Variants in LRRC63 observed in about 807,000 individuals in gnomAD.
LRRC63 encodes leucine rich repeat containing 63.
Under a neutral mutation model 49.5 loss-of-function variants are expected in LRRC63, and 40 were observed. The ratio of observed to expected loss-of-function variants is 0.81; its 90% CI spans 0.63 to 1.05. The LOEUF (loss-of-function observed/expected upper bound fraction) is 1.05. Among genes scored for constraint, LRRC63 ranks in the 50% least tolerant of loss-of-function variants. The pLI, the probability that LRRC63 is intolerant of heterozygous loss-of-function variation, is 0.00. For missense variants in LRRC63, 636 were observed against 663.1 expected, an observed-to-expected ratio of 0.96 and a Z score of 0.45; for synonymous variants, 191 against 221.1, an observed-to-expected ratio of 0.86 and a Z score of 1.21.
intron 2 of LRRC63, 33 bp downstream of exon 2, chr13:46,213,152 T>G: frequency 7.5e-7 from 1 of 1,333,206 alleles, no homozygotes; most frequent in Non-Finnish European, 1.0e-6. Flanking sequence ...TGTATTAACA[T>G]TTATGTATCT....
At chr13:46,248,792 G>A (rs2047290896) in intron 6 of LRRC63, among the ~76,000 whole-genome samples, 1 of 151,856 alleles carries the variant, frequency 6.6e-6, no homozygotes, top group African/African-American at 2.4e-5. Flanking sequence ...TAATAAATCT[G>A]TATGGAATGT....
intron 5 of LRRC63, among the ~76,000 whole-genome samples, chr13:46,243,340 G>A (rs753982676): frequency 1.3e-5 from 2 of 152,076 alleles, no homozygotes; most frequent in African/African-American, 4.8e-5. Flanking sequence ...CATTACTAGA[G>A]AAAATTACTT....
intron 9 of LRRC63, among the ~76,000 whole-genome samples, chr13:46,273,682 G>A (rs187567390): frequency 1.6e-4 from 24 of 151,218 alleles, no homozygotes; most frequent in Admixed American, 9.9e-4. Flanking sequence ...GGAGGTGGAA[G>A]AGGCTGATCA....
chr13:46,228,218 A>G (rs2046635878), intron 3 of LRRC63, 29 bp downstream of exon 3: 1 of 1,479,712 alleles, frequency 6.8e-7, no homozygotes, highest in Non-Finnish European at 9.1e-7. Flanking sequence ...CGGTATAATT[A>G]TAGAGTCAAG....
chr13:46,234,236 C>T (rs573022567), exon 5 of LRRC63: 92 of 1,550,042 alleles, frequency 5.9e-5, no homozygotes, highest in Middle Eastern at 3.3e-4. Flanking sequence ...ACACGTTGTA[C>T]GTGGTGAAGG....
exon 3 of LRRC63, chr13:46,227,893 T>C: frequency 6.4e-7 from 1 of 1,550,566 alleles, no homozygotes; most frequent in Non-Finnish European, 8.7e-7. Context: ...TCTTCCAAGT[T>C]TTCCAAACCT....
chr13:46,226,822 A>G (rs984378519), intron 2 of LRRC63, among the ~76,000 whole-genome samples: 1 of 152,162 alleles, frequency 6.6e-6, no homozygotes, highest in African/African-American at 2.4e-5. Context: ...TAATGAATCT[A>G]TTATCTCCTC....
chr13:46,271,818 C>A (rs2047763278), intron 9 of LRRC63, among the ~76,000 whole-genome samples: 1 of 151,418 alleles, frequency 6.6e-6, no homozygotes, highest in Admixed American at 6.6e-5. Context: ...TGTCATTTTT[C>A]TGTAAGGGCT....
intron 2 of LRRC63, among the ~76,000 whole-genome samples, chr13:46,220,955 C>CATTGGGAAGAT (rs1566469453): frequency 1.3e-5 from 2 of 151,940 alleles, no homozygotes; most frequent in Non-Finnish European, 2.9e-5. Context: ...TTAAGCATCG[C>CATTGGGAAGAT]TTCTCTACCC....
chr13:46,252,822 G>A (rs912771063), intron 7 of LRRC63, among the ~76,000 whole-genome samples: 1 of 151,968 alleles, frequency 6.6e-6, no homozygotes, highest in Non-Finnish European at 1.5e-5. Flanking sequence ...CAGTTTGCTG[G>A]TTTTGAAGCT....
intron 4 of LRRC63, among the ~76,000 whole-genome samples, chr13:46,231,442 G>A (rs115377263): frequency 0.012 from 1,861 of 152,282 alleles, 42 homozygotes; most frequent in African/African-American, 0.042. Flanking sequence ...CAAAACAAGA[G>A]CAGGTATATC....
In LRRC63 at chr13:46,228,534, G is replaced by A. The variant is rs547393763; in HGVS notation, c.764-131G>A. 3.8e-4 allele frequency: 247 copies of A among 644,690 alleles called. 3 individuals carry two copies. The highest frequency in any genetic ancestry group is 5.0e-4 in the Admixed American group (18 of 36,314). 39.9% of individuals were successfully genotyped at this position (644,690 alleles called of 1,614,324 possible). On this transcript the variant is annotated intron_variant, in intron 3 of 9. Transcript: ENST00000595396. ...AAGTAGAATGCCAGTGCTGATAGAC[G>A]CCTTCATGAATATATTTTCATGGAT...
Position 46,276,718 on chromosome 13 carries a change from GA to G in LRRC63, c.1681del (p.Arg561GlufsTer2). 1 of 1,229,168 alleles carries G rather than the reference GA, an allele frequency of 8.1e-7. No individual in the cohort carries two copies. The highest frequency in any genetic ancestry group is 1.0e-6 in the Non-Finnish European group (1 of 986,122). 76.1% of individuals were successfully genotyped at this position (1,229,168 alleles called of 1,614,324 possible). A position where few individuals can be genotyped will look rare whatever the true frequency, so the allele number is the denominator to read the frequency against. On this transcript the variant is annotated frameshift_variant, in exon 10 of 10. Transcript: ENST00000595396. LOFTEE classifies it low-confidence loss of function (END_TRUNC). The stretch of plus-strand genomic sequence containing the variant: ...TATGTCTGTTCTCCTTCTTGCTATA[GA>G]AGAATAAAGGAAAGCAGTTTTGTTT...
intron 7 of LRRC63, 124 bp from the exon 8 acceptor site, chr13:46,261,785 C>G: frequency 2.8e-6 from 1 of 354,706 alleles, no homozygotes; most frequent in East Asian, 4.0e-5. Context: ...GAAAAGAAGT[C>G]CATATAAATT....
intron 9 of LRRC63, among the ~76,000 whole-genome samples, chr13:46,269,769 T>G (rs1440258519): frequency 6.7e-6 from 1 of 148,786 alleles, no homozygotes; most frequent in Non-Finnish European, 1.5e-5. Context: ...GATATTGCAG[T>G]GCTTAAAATA....
At position 46,224,950 on chromosome 13, in the gene LRRC63, A is replaced by G. The variant is rs542157855; in HGVS notation, c.86-2562A>G. On this transcript the variant is annotated intron_variant, in intron 2 of 9. Transcript: ENST00000595396. ...AGGGTGGCAAGAGTAGGCTGACTCT[A>G]CCTATCTTTGTGCCCCAGAGTGGTG... Among the ~76,000 whole-genome samples, 229 of 152,302 alleles carry G rather than the reference A, an allele frequency of 1.5e-3. 2 individuals are homozygous for G. The highest frequency in any genetic ancestry group is 5.2e-3 in the African/African-American group (217 of 41,562).
chr13:46,215,648 T>C (rs370388021), intron 2 of LRRC63, among the ~76,000 whole-genome samples: 1 of 152,246 alleles, frequency 6.6e-6, no homozygotes, highest in Non-Finnish European at 1.5e-5. Context: ...GTTTTGGCTT[T>C]GGTTGCCACT....
chr13:46,242,903 G>C (rs2047105309), intron 5 of LRRC63, among the ~76,000 whole-genome samples: 1 of 152,142 alleles, frequency 6.6e-6, no homozygotes, highest in Non-Finnish European at 1.5e-5. Context: ...CCAAAAAAAT[G>C]CTACAGGGAG....
intron 6 of LRRC63, among the ~76,000 whole-genome samples, chr13:46,249,114 C>CCAAA (rs1475763855): frequency 6.6e-6 from 1 of 151,502 alleles, no homozygotes; most frequent in African/African-American, 2.4e-5. Context: ...ACACAACATA[C>CCAAA]CAAAATTTCT....
Sources: allele counts gnomAD v4.1 joint callset (sites outside exome capture counted in the v4.1 genomes callset), GRCh38; gene constraint gnomAD v4.1.1; transcripts MANE v1.5; gene names NCBI Gene and HGNC (gene_info 2026-07-23, HGNC 2026-07-21).